Variants in MRTFB observed in about 807,000 individuals in gnomAD.
The protein encoded by MRTFB is myocardin related transcription factor B.
In MRTFB, 29 loss-of-function variants were observed where a neutral mutation model predicts 104.2. That is an observed-to-expected ratio of 0.28 (90% confidence interval 0.21 to 0.38). MRTFB has a LOEUF of 0.38. Among genes scored for constraint, MRTFB ranks in the 10% least tolerant of loss-of-function variants. The pLI, the probability that MRTFB is intolerant of heterozygous loss-of-function variation, is 1.00. For synonymous variants in MRTFB, 535 were observed against 519.5 expected (o/e 1.03, Z -0.41); for missense variants, 1,270 against 1,341.6 (o/e 0.95, Z 0.83).
intron 2 of MRTFB, among the ~76,000 whole-genome samples, chr16:14,117,008 C>G (rs992055815): frequency 3.9e-5 from 6 of 152,160 alleles, no homozygotes; most frequent in African/African-American, 1.4e-4. Flanking sequence ...AAGAGTCTAG[C>G]TCAGCTCTCT....
intron 2 of MRTFB, among the ~76,000 whole-genome samples, chr16:14,087,102 CT>C (rs745472225): frequency 3.9e-5 from 6 of 152,162 alleles, no homozygotes; most frequent in Non-Finnish European, 7.3e-5. Context: ...AATTGAAGTA[CT>C]TGTATGCAGT....
At chr16:14,028,838 ATTGT>A in the MRTFB span, among the ~76,000 whole-genome samples, 45,409 of 151,834 alleles carry the variant, frequency 0.3, 8,055 homozygotes, top group Admixed American at 0.44. Context: ...GGCCAGGCAG[ATTGT>A]TTGTGCTCAG....
chr16:14,105,924 C>T (rs186338574), intron 2 of MRTFB, among the ~76,000 whole-genome samples: 4 of 152,208 alleles, frequency 2.6e-5, no homozygotes, highest in Admixed American at 2.0e-4. Flanking sequence ...CTTGCCTTTC[C>T]TAGTATTATA....
chr16:14,249,407 A>G (rs1218761019), intron 13 of MRTFB, among the ~76,000 whole-genome samples: 1 of 152,268 alleles, frequency 6.6e-6, no homozygotes, highest in Admixed American at 6.5e-5. Context: ...CAAATTAAAC[A>G]TACTGTGGAA....
At chr16:14,228,326 C>T (rs2042100952) in intron 8 of MRTFB, among the ~76,000 whole-genome samples, 1 of 152,178 alleles carries the variant, frequency 6.6e-6, no homozygotes, top group Admixed American at 6.5e-5. Flanking sequence ...CTTGTGATCC[C>T]AGCACTTTGG....
chr16:14,144,296 G>A (rs973119107), intron 3 of MRTFB: 2 of 152,148 alleles, frequency 1.3e-5, no homozygotes, highest in African/African-American at 4.8e-5. Flanking sequence ...AGTTATTATA[G>A]AAGCCTTATT....
chr16:14,183,201 T>C (rs1172556008), intron 3 of MRTFB, among the ~76,000 whole-genome samples: 5 of 152,216 alleles, frequency 3.3e-5, no homozygotes, highest in Non-Finnish European at 4.4e-5. Context: ...TGCATCATTA[T>C]TTCTGGGGTA....
intron 6 of MRTFB, among the ~76,000 whole-genome samples, chr16:14,216,112 T>C (rs2041412011): frequency 6.6e-6 from 1 of 152,256 alleles, no homozygotes; most frequent in South Asian, 2.1e-4. Flanking sequence ...AGGCTCACTT[T>C]TGGCAAGCAT....
rs533554792 is a variant in MRTFB at position 14,229,749 on chromosome 16, G to GT, written c.694-4387dup. On this transcript the variant is annotated intron_variant, in intron 8 of 16. Coordinates refer to ENST00000571589, the MANE Select transcript of MRTFB (RefSeq NM_001308142.2). ...CTTTATGATCAACAGTGCCTTTTTA[G>GT]TTTTTTTTTTGAATGCATAAATATC... Among the ~76,000 whole-genome samples, 283 of 148,820 alleles carry GT rather than the reference G, an allele frequency of 1.9e-3. 1 individual carries two copies. The highest frequency in any genetic ancestry group is 6.9e-3 in the Middle Eastern group (2 of 290).
chr16:14,023,241 C>T, the MRTFB span, among the ~76,000 whole-genome samples: 1 of 151,562 alleles, frequency 6.6e-6, no homozygotes, highest in African/African-American at 2.4e-5. Flanking sequence ...AGTTCAAGAC[C>T]AATCCTGGCA....
the MRTFB span, among the ~76,000 whole-genome samples, chr16:14,017,991 G>T: frequency 6.6e-6 from 1 of 151,708 alleles, no homozygotes; most frequent in South Asian, 2.1e-4. Context: ...CAAAGTGCTG[G>T]GGTTACAGGC....
intron 8 of MRTFB, among the ~76,000 whole-genome samples, chr16:14,220,919 C>G (rs1371845871): frequency 6.6e-6 from 1 of 152,172 alleles, no homozygotes; most frequent in Non-Finnish European, 1.5e-5. Flanking sequence ...TCCTATGTGC[C>G]TTGAGACCTC....
the MRTFB span, among the ~76,000 whole-genome samples, chr16:14,004,664 C>T: frequency 6.6e-5 from 10 of 152,306 alleles, no homozygotes; most frequent in East Asian, 1.9e-3. Context: ...TGCAACCTTC[C>T]CAAAACAAAC....
At chr16:14,004,390 A>C in the MRTFB span, among the ~76,000 whole-genome samples, 49,196 of 151,938 alleles carry the variant, frequency 0.32, 9,245 homozygotes, top group Non-Finnish European at 0.41. Flanking sequence ...GTGAAGCTAG[A>C]ATGATGTATC....
intron 2 of MRTFB, among the ~76,000 whole-genome samples, chr16:14,123,652 A>G (rs528420806): frequency 1.3e-5 from 2 of 152,280 alleles, no homozygotes; most frequent in African/African-American, 4.8e-5. Context: ...TACTAGTACC[A>G]TGCTGTTTTG....
At chr16:14,172,224 G>A (rs566438433) in intron 3 of MRTFB, among the ~76,000 whole-genome samples, 22 of 151,276 alleles carry the variant, frequency 1.5e-4, no homozygotes, top group Admixed American at 2.6e-4. Flanking sequence ...TTCCTTCCCC[G>A]CCTCCCCCCC....
At chr16:14,169,110 T>C (rs945839537) in intron 3 of MRTFB, among the ~76,000 whole-genome samples, 1 of 152,212 alleles carries the variant, frequency 6.6e-6, no homozygotes, top group Non-Finnish European at 1.5e-5. Flanking sequence ...CCCACTTGGA[T>C]TCTGCCATTA....
intron 8 of MRTFB, among the ~76,000 whole-genome samples, chr16:14,226,751 G>A (rs554392635): frequency 1.8e-4 from 27 of 152,210 alleles, no homozygotes; most frequent in African/African-American, 4.8e-4. Flanking sequence ...ACAGCAGGAG[G>A]ATCCCTTGAG....
At chr16:14,188,015 G>A (rs549611152) in intron 3 of MRTFB, among the ~76,000 whole-genome samples, 7 of 152,196 alleles carry the variant, frequency 4.6e-5, no homozygotes, top group Non-Finnish European at 1.0e-4. Flanking sequence ...GGTCTAAGTA[G>A]TGCTTTGAGC....
Sources: allele counts gnomAD v4.1 joint callset (sites outside exome capture counted in the v4.1 genomes callset), GRCh38; gene constraint gnomAD v4.1.1; transcripts MANE v1.5; gene names NCBI Gene and HGNC (gene_info 2026-07-23, HGNC 2026-07-21).